SPPL2A: variants seen among roughly 807,000 people sequenced by gnomAD.
The protein encoded by SPPL2A is signal peptide peptidase like 2A, also known as signal peptide peptidase-like 2A.
In SPPL2A, 51 loss-of-function variants were observed where a neutral mutation model predicts 63.8. The ratio of observed to expected loss-of-function variants is 0.80; its 90% CI spans 0.64 to 1.01. The LOEUF (loss-of-function observed/expected upper bound fraction) is 1.01, where lower values mean the gene tolerates loss of function less well. Ranked by LOEUF, SPPL2A falls within the 50% of genes least tolerant of loss-of-function variation. The pLI is 0.00. For synonymous variants in SPPL2A, 188 were observed against 205.8 expected, an observed-to-expected ratio of 0.91 and a Z score of 0.74; for missense variants, 553 against 622.7, an observed-to-expected ratio of 0.89 and a Z score of 1.19.
Position 50,754,936 on chromosome 15 carries a change from C to G in SPPL2A, c.67-5190G>C, listed in dbSNP as rs140797718. 9.1e-4 allele frequency among the ~76,000 whole-genome samples: 137 copies of G among 150,354 alleles called. 1 individual carries two copies. The highest frequency in any genetic ancestry group is 3.2e-3 in the African/African-American group (130 of 40,726). ...GGCAGAGGTTGCGGTGAGCCAAGATCGAGCCATTGCACTCCAGCCTGGGCA... is the reference window on the plus strand; with the variant it reads ...GGCAGAGGTTGCGGTGAGCCAAGATGGAGCCATTGCACTCCAGCCTGGGCA... On this transcript the variant is annotated intron_variant, in intron 1 of 14. Coordinates refer to ENST00000261854, the MANE Select transcript of SPPL2A (RefSeq NM_032802.4).
At chr15:50,745,735 G>A (rs2062852426) in intron 5 of SPPL2A, among the ~76,000 whole-genome samples, 1 of 151,998 alleles carries the variant, frequency 6.6e-6, no homozygotes, top group South Asian at 2.1e-4. Flanking sequence ...ATGAGGTCTT[G>A]CTATGTTGCC....
At chr15:50,741,653 T>G (rs2062821486) in intron 5 of SPPL2A, among the ~76,000 whole-genome samples, 1 of 152,152 alleles carries the variant, frequency 6.6e-6, no homozygotes, top group Non-Finnish European at 1.5e-5. Flanking sequence ...TACAGTGTAC[T>G]AGATTTATAT....
At position 50,705,133 on chromosome 15, in the gene SPPL2A, G is replaced by A. The variant is rs1473409827; in HGVS notation, c.*2667C>T. ...TGAGGCGGGCAGATCATGAGGTCAG[G>A]AGCTCAAGACCAGCCTGACCAACAA... On this transcript the variant is annotated 3_prime_UTR_variant, in exon 15 of 15. Coordinates refer to ENST00000261854, the MANE Select transcript of SPPL2A (RefSeq NM_032802.4). 1 of 152,154 alleles carries A rather than the reference G, an allele frequency of 6.6e-6. No individual in the cohort carries two copies. The highest frequency in any genetic ancestry group is 2.4e-5 in the African/African-American group (1 of 41,428). 9.4% of individuals were successfully genotyped at this position (152,154 alleles called of 1,614,324 possible). A position where few individuals can be genotyped will look rare whatever the true frequency, so the allele number is the denominator to read the frequency against.
intron 13 of SPPL2A, 74 bp downstream of exon 13, chr15:50,722,050 T>C: frequency 1.2e-6 from 1 of 856,100 alleles, no homozygotes; most frequent in Non-Finnish European, 1.9e-6. Context: ...TACTCCTTCT[T>C]TATTTTTAGA....
intron 12 of SPPL2A, among the ~76,000 whole-genome samples, chr15:50,723,796 T>C (rs540364736): frequency 2.6e-5 from 4 of 152,228 alleles, no homozygotes; most frequent in Non-Finnish European, 5.9e-5. Context: ...TTTGTGAATA[T>C]GCAATTATGC....
chr15:50,722,407 T>A (rs2062655688), intron 12 of SPPL2A, among the ~76,000 whole-genome samples: 1 of 152,244 alleles, frequency 6.6e-6, no homozygotes, highest in Admixed American at 6.5e-5. Context: ...AGCTATTAAA[T>A]AGTTTTTAAC....
rs1273826104 is a variant in SPPL2A, at chr15:50,706,549, C to T, written c.*1251G>A. On this transcript the variant is annotated 3_prime_UTR_variant, in exon 15 of 15. Transcript: ENST00000261854. ...TCTGAACCGCACTTTGTACATCCTC[C>T]ACCAAGATTAAGAATCATTACCTAT... 2.6e-5 allele frequency: 4 copies of T among 151,832 alleles called. No individual in the cohort carries two copies. The highest frequency in any genetic ancestry group is 9.7e-5 in the African/African-American group (4 of 41,308). 9.4% of individuals were successfully genotyped at this position (151,832 alleles called of 1,614,324 possible).
intron 14 of SPPL2A, among the ~76,000 whole-genome samples, chr15:50,718,505 A>G (rs958298197): frequency 1.3e-5 from 2 of 152,184 alleles, no homozygotes; most frequent in Non-Finnish European, 2.9e-5. Context: ...AAAAATCTAT[A>G]AAAAACCTAT....
chr15:50,747,861 C>T (rs2304440), intron 4 of SPPL2A: 150,902 of 465,550 alleles, frequency 0.32, 26,382 homozygotes, highest in East Asian at 0.56. Context: ...TGTTCAGGAA[C>T]CTAAAGTTAA....
intron 5 of SPPL2A, among the ~76,000 whole-genome samples, chr15:50,742,256 A>G (rs1490472574): frequency 6.6e-6 from 1 of 152,094 alleles, no homozygotes; most frequent in Non-Finnish European, 1.5e-5. Context: ...TTAATAATAC[A>G]AAAATTAGCT....
Position 50,748,636 on chromosome 15 carries a change from G to A in SPPL2A, c.360+52C>T, listed in dbSNP as rs969647511. Reference sequence around the variant, plus strand: ...ACAAAGACGTTAATTCCATTTTTGTGAAATTTCACATCATGAACTCAAAAT... The same window carrying A: ...ACAAAGACGTTAATTCCATTTTTGTAAAATTTCACATCATGAACTCAAAAT... On this transcript the variant is annotated intron_variant, in intron 3 of 14. Transcript: ENST00000261854. 3.9e-6 allele frequency: 5 copies of A among 1,285,742 alleles called. No individual in the cohort carries two copies. In the African/African-American group the frequency reaches 7.7e-5, roughly 20 times the overall value. The allele number at this position is 1,285,742 out of a possible 1,614,324, so 79.6% of individuals were successfully genotyped here. A position where few individuals can be genotyped will look rare whatever the true frequency, so the allele number is the denominator to read the frequency against.
rs185020019 is a variant in SPPL2A at position 50,759,611 on chromosome 15, C to T, written c.66+5857G>A. ...ATAAAAAATTAGCCGGGCATGGTGG[C>T]GGGTGCCTGCAGTCCCAGCTACTCG... On this transcript the variant is annotated intron_variant, in intron 1 of 14. Coordinates refer to ENST00000261854, the MANE Select transcript of SPPL2A (RefSeq NM_032802.4). Among the ~76,000 whole-genome samples the T allele has an allele frequency of 6.6e-5, 10 of 152,010 alleles. No homozygotes were observed. The East Asian group carries it at 1.7e-3, about 26-fold the overall frequency.
At chr15:50,723,432 T>C (rs996636722) in intron 12 of SPPL2A, among the ~76,000 whole-genome samples, 4 of 152,062 alleles carry the variant, frequency 2.6e-5, no homozygotes, top group African/African-American at 9.7e-5. Flanking sequence ...GATGAATGAA[T>C]AAAAAAATGT....
intron 1 of SPPL2A, among the ~76,000 whole-genome samples, chr15:50,761,136 C>T (rs10152686): frequency 2.6e-5 from 4 of 151,738 alleles, no homozygotes; most frequent in African/African-American, 4.8e-5. Context: ...CAGCCTCCCA[C>T]GTAGCTGGGA....
At chr15:50,710,484 A>C (rs2062547516) in intron 14 of SPPL2A, among the ~76,000 whole-genome samples, 1 of 152,210 alleles carries the variant, frequency 6.6e-6, no homozygotes, top group African/African-American at 2.4e-5. Flanking sequence ...AGAAACATAA[A>C]GAACAAAGTT....
At chr15:50,722,003 G>C (rs1220033264) in intron 13 of SPPL2A, 121 bp downstream of exon 13, 5 of 601,592 alleles carry the variant, frequency 8.3e-6, no homozygotes, top group Non-Finnish European at 3.0e-6. Context: ...CCCCCAAAGT[G>C]CTAGGACTCC....
At chr15:50,714,574 T>A (rs962743415) in intron 14 of SPPL2A, among the ~76,000 whole-genome samples, 1 of 146,480 alleles carries the variant, frequency 6.8e-6, no homozygotes, top group Non-Finnish European at 1.5e-5. Context: ...GAGGTTGCAA[T>A]GAGCAAAGAT....
intron 14 of SPPL2A, among the ~76,000 whole-genome samples, chr15:50,709,771 T>C (rs1413730064): frequency 6.6e-6 from 1 of 151,090 alleles, no homozygotes; most frequent in African/African-American, 2.4e-5. Flanking sequence ...GCCTGGGCAA[T>C]AGAGAGAGAG....
chr15:50,711,786 A>T (rs2062561246), intron 14 of SPPL2A, among the ~76,000 whole-genome samples: 3 of 151,838 alleles, frequency 2.0e-5, no homozygotes, highest in Admixed American at 2.0e-4. Flanking sequence ...GAACCAAATG[A>T]CTAATAGTAT....
Sources: gnomAD v4.1 joint callset for allele counts (sites outside exome capture counted in the v4.1 genomes callset) on GRCh38, gnomAD v4.1.1 for gene constraint, MANE v1.5 for transcripts, NCBI Gene and HGNC (gene_info 2026-07-23, HGNC 2026-07-21) for gene names.